The following RBFOX1 variants were observed in gnomAD, a reference collection of about 807,000 sequenced individuals.
RBFOX1 encodes the protein RNA binding fox-1 homolog 1, also known as RNA binding protein fox-1 homolog 1.
RBFOX1 carries 8 observed loss-of-function variants against 57.7 expected under a neutral mutation model. The ratio of observed to expected loss-of-function variants is 0.14; its 90% CI spans 0.08 to 0.25. The LOEUF (loss-of-function observed/expected upper bound fraction) is 0.25, where lower values mean the gene tolerates loss of function less well. Among genes scored for constraint, RBFOX1 ranks in the 10% least tolerant of loss-of-function variants. The pLI, the probability that RBFOX1 is intolerant of heterozygous loss-of-function variation, is 1.00. For missense variants in RBFOX1, 611 were observed against 548.5 expected (o/e 1.11, Z -1.14); for synonymous variants, 326 against 222.4 (o/e 1.47, Z -4.15).
intron 3 of RBFOX1, among the ~76,000 whole-genome samples, chr16:6,809,512 C>T (rs566367931): frequency 6.6e-6 from 1 of 152,040 alleles, no homozygotes; most frequent in Non-Finnish European, 1.5e-5. Flanking sequence ...GTCATTCACC[C>T]CAGGAGGCAG....
intron 3 of RBFOX1, among the ~76,000 whole-genome samples, chr16:5,829,656 A>G (rs2056195555): frequency 6.6e-6 from 1 of 151,936 alleles, no homozygotes; most frequent in Non-Finnish European, 1.5e-5. Flanking sequence ...GGCTGTGTAG[A>G]TCTGCTGTCC....
At chr16:7,398,167 C>T (rs1015284035) in intron 4 of RBFOX1, among the ~76,000 whole-genome samples, 6 of 152,210 alleles carry the variant, frequency 3.9e-5, no homozygotes, top group Non-Finnish European at 8.8e-5. Flanking sequence ...CCATTTCAAA[C>T]AAGCATTGGT....
At chr16:7,033,314 G>T (rs2043298936) in intron 3 of RBFOX1, among the ~76,000 whole-genome samples, 1 of 152,178 alleles carries the variant, frequency 6.6e-6, no homozygotes, top group Non-Finnish European at 1.5e-5. Flanking sequence ...GAGGCCAGGA[G>T]TTTGAGACCA....
At chr16:7,524,118 A>T (rs1258451340) in intron 5 of RBFOX1, among the ~76,000 whole-genome samples, 1 of 152,198 alleles carries the variant, frequency 6.6e-6, no homozygotes, top group East Asian at 1.9e-4. Flanking sequence ...GCTTAATATC[A>T]TTCTAAGGAC....
chr16:7,030,260 C>A (rs945352550), intron 3 of RBFOX1, among the ~76,000 whole-genome samples: 2 of 152,088 alleles, frequency 1.3e-5, no homozygotes, highest in Non-Finnish European at 2.9e-5. Flanking sequence ...AGTGGAGTGC[C>A]TCTGTTTAAT....
At chr16:6,859,098 T>G (rs1262568419) in intron 3 of RBFOX1, among the ~76,000 whole-genome samples, 1 of 114,108 alleles carries the variant, frequency 8.8e-6, no homozygotes, top group African/African-American at 3.2e-5. Context: ...TGTTGTATTG[T>G]CCTAAAAAAA....
intron 4 of RBFOX1, among the ~76,000 whole-genome samples, chr16:5,934,677 G>A (rs1291562862): frequency 1.3e-5 from 2 of 152,304 alleles, no homozygotes; most frequent in East Asian, 3.9e-4. Flanking sequence ...ATTACTACAC[G>A]TTATATTTAT....
At chr16:6,813,878 G>C (rs913966644) in intron 3 of RBFOX1, among the ~76,000 whole-genome samples, 1 of 152,040 alleles carries the variant, frequency 6.6e-6, no homozygotes, top group Non-Finnish European at 1.5e-5. Flanking sequence ...CCAGCCCCTT[G>C]TTAGGTAATG....
chr16:5,848,223 T>C (rs911027925), intron 3 of RBFOX1, among the ~76,000 whole-genome samples: 3 of 152,128 alleles, frequency 2.0e-5, no homozygotes, highest in African/African-American at 7.2e-5. Flanking sequence ...GTGGATATCT[T>C]ATCCAGCCCA....
intron 3 of RBFOX1, among the ~76,000 whole-genome samples, chr16:6,815,462 C>T (rs567772634): frequency 4.6e-5 from 7 of 152,228 alleles, no homozygotes; most frequent in Middle Eastern, 3.4e-3. Context: ...CTGACATTCG[C>T]AGTGGAATCC....
At chr16:7,391,028 C>T (rs2098004043) in intron 4 of RBFOX1, among the ~76,000 whole-genome samples, 1 of 152,112 alleles carries the variant, frequency 6.6e-6, no homozygotes, top group Admixed American at 6.5e-5. Context: ...TTTTTGGAGG[C>T]TCATTGGTAA....
intron 3 of RBFOX1, among the ~76,000 whole-genome samples, chr16:6,696,762 G>A (rs1420015010): frequency 6.6e-6 from 1 of 151,980 alleles, no homozygotes; most frequent in African/African-American, 2.4e-5. Flanking sequence ...AGTTTGCTGT[G>A]CCTGTGTTTG....
At chr16:6,504,818 G>T (rs1321719475) in intron 2 of RBFOX1, among the ~76,000 whole-genome samples, 2 of 152,126 alleles carry the variant, frequency 1.3e-5, no homozygotes, top group African/African-American at 4.8e-5. Context: ...CACTTTGGGA[G>T]GCCGAGGTGG....
chr16:7,390,990 G>A (rs2098002281), intron 4 of RBFOX1, among the ~76,000 whole-genome samples: 1 of 152,168 alleles, frequency 6.6e-6, no homozygotes, highest in Admixed American at 6.5e-5. Context: ...CCTGGAGGGT[G>A]TGGGGTCTTC....
At chr16:6,898,842 CATGTGT>C (rs1310283163) in intron 3 of RBFOX1, among the ~76,000 whole-genome samples, 2 of 148,738 alleles carry the variant, frequency 1.3e-5, no homozygotes, top group Non-Finnish European at 3.0e-5. Context: ...TATGTGTGTG[CATGTGT>C]ATGTGTAATA....
At chr16:6,823,892 A>G (rs1349632798) in intron 3 of RBFOX1, among the ~76,000 whole-genome samples, 2 of 152,104 alleles carry the variant, frequency 1.3e-5, no homozygotes, top group Admixed American at 6.6e-5. Flanking sequence ...GATTGCTGCA[A>G]AAAGGAGCAT....
At chr16:7,276,840 G>A (rs779093972) in intron 4 of RBFOX1, among the ~76,000 whole-genome samples, 1 of 152,178 alleles carries the variant, frequency 6.6e-6, no homozygotes, top group Non-Finnish European at 1.5e-5. Flanking sequence ...TAATGCTGCT[G>A]CTCAGAAGTG....
chr16:5,591,151 T>A (rs1448361082), intron 2 of RBFOX1, among the ~76,000 whole-genome samples: 2 of 151,934 alleles, frequency 1.3e-5, no homozygotes, highest in Non-Finnish European at 2.9e-5. Context: ...GCATAAAAAA[T>A]ATTTTCCTCA....
intron 2 of RBFOX1, among the ~76,000 whole-genome samples, chr16:6,406,055 C>G (rs2093269343): frequency 6.6e-6 from 1 of 152,196 alleles, no homozygotes; most frequent in Non-Finnish European, 1.5e-5. Context: ...GCCAATGTCT[C>G]ACATATGTCC....
Sources: gnomAD v4.1 joint callset for allele counts (sites outside exome capture counted in the v4.1 genomes callset) on GRCh38, gnomAD v4.1.1 for gene constraint, MANE v1.5 for transcripts, NCBI Gene and HGNC (gene_info 2026-07-23, HGNC 2026-07-21) for gene names.